The following CNTNAP5 variants were observed in gnomAD, a reference collection of about 807,000 sequenced individuals.
The protein encoded by CNTNAP5 is contactin-associated protein-like 5.
In CNTNAP5, 72 loss-of-function variants were observed where a neutral mutation model predicts 150.2. That is an observed-to-expected ratio of 0.48 (90% CI 0.40 to 0.58). The LOEUF is 0.58. CNTNAP5 is among the 20% of genes least tolerant of loss of function. The pLI, the probability that CNTNAP5 is intolerant of heterozygous loss-of-function variation, is 0.00. For synonymous variants in CNTNAP5, 672 were observed against 619.8 expected (o/e 1.08, Z -1.25); for missense variants, 1,636 against 1,626.2 (o/e 1.01, Z -0.10).
At chr2:124,580,955 G>A (rs562390738) in intron 11 of CNTNAP5, among the ~76,000 whole-genome samples, 3 of 152,344 alleles carry the variant, frequency 2.0e-5, no homozygotes, top group South Asian at 2.1e-4. Context: ...TTTGCATAAT[G>A]TGTGGAGCAC....
intron 19 of CNTNAP5, among the ~76,000 whole-genome samples, chr2:124,847,727 G>A (rs191774359): frequency 1.7e-4 from 26 of 152,232 alleles, no homozygotes; most frequent in African/African-American, 5.5e-4. Flanking sequence ...CCAAGTGGCG[G>A]CTGCAAGCTA....
intron 8 of CNTNAP5, among the ~76,000 whole-genome samples, chr2:124,512,614 T>C (rs1346637122): frequency 2.0e-5 from 3 of 152,288 alleles, no homozygotes; most frequent in South Asian, 2.1e-4. Flanking sequence ...ATTTAATTCC[T>C]AGGAGCAAGC....
chr2:124,300,611 A>G (rs890201114), intron 3 of CNTNAP5, among the ~76,000 whole-genome samples: 9 of 152,200 alleles, frequency 5.9e-5, no homozygotes, highest in Non-Finnish European at 1.3e-4. Flanking sequence ...GCTGGACCAC[A>G]GGCGAGTGGC....
intron 7 of CNTNAP5, among the ~76,000 whole-genome samples, chr2:124,491,155 C>T (rs938715017): frequency 2.6e-5 from 4 of 152,036 alleles, no homozygotes; most frequent in African/African-American, 9.7e-5. Flanking sequence ...AATTAGATCC[C>T]AGGAACTTGT....
At chr2:124,855,266 C>T (rs1386987166) in intron 19 of CNTNAP5, among the ~76,000 whole-genome samples, 1 of 147,878 alleles carries the variant, frequency 6.8e-6, no homozygotes, top group African/African-American at 2.5e-5. Flanking sequence ...CAACCTCCAC[C>T]TCCCAGGTTC....
Position 124,250,622 on chromosome 2 carries a change from C to T in CNTNAP5, c.381+8229C>T, listed in dbSNP as rs184614791. Among the ~76,000 whole-genome samples the T allele has an allele frequency of 2.7e-3, 405 of 151,944 alleles. 2 individuals carry two copies. The highest frequency in any genetic ancestry group is 9.2e-3 in the African/African-American group (383 of 41,452). ...CCAAGCAGGCTCATTAGGGACCATTCGCATAGAGTCCTGGCAGCATACAGG... is the reference window on the plus strand; with the variant it reads ...CCAAGCAGGCTCATTAGGGACCATTTGCATAGAGTCCTGGCAGCATACAGG... On this transcript the variant is annotated intron_variant, in intron 3 of 23. Transcript: ENST00000682447.
intron 4 of CNTNAP5, among the ~76,000 whole-genome samples, chr2:124,428,202 C>G (rs185927466): frequency 1.9e-3 from 290 of 152,268 alleles, no homozygotes; most frequent in Non-Finnish European, 3.2e-3. Flanking sequence ...ACCTCACCAG[C>G]CTGACTGCCT....
chr2:124,567,751 A>G (rs1696056574), intron 11 of CNTNAP5, among the ~76,000 whole-genome samples: 2 of 152,330 alleles, frequency 1.3e-5, no homozygotes, highest in South Asian at 2.1e-4. Context: ...TATTTTGGTC[A>G]TGGTATGTCA....
At chr2:124,168,877 G>T (rs547168244) in intron 1 of CNTNAP5, among the ~76,000 whole-genome samples, 3 of 151,990 alleles carry the variant, frequency 2.0e-5, no homozygotes, top group African/African-American at 7.3e-5. Flanking sequence ...ACCTATCTGC[G>T]TGGAACTTTG....
chr2:124,267,431 G>C (rs555994124), intron 3 of CNTNAP5, among the ~76,000 whole-genome samples: 1 of 152,058 alleles, frequency 6.6e-6, no homozygotes, highest in Non-Finnish European at 1.5e-5. Context: ...CAACAACCCC[G>C]TGAGCTGTTG....
At chr2:124,672,250 A>G (rs539169689) in intron 13 of CNTNAP5, among the ~76,000 whole-genome samples, 1 of 152,096 alleles carries the variant, frequency 6.6e-6, no homozygotes, top group Admixed American at 6.5e-5. Flanking sequence ...ATAAGGGCCC[A>G]CCCATTTGCC....
chr2:124,260,457 G>A (rs954909800), intron 3 of CNTNAP5, among the ~76,000 whole-genome samples: 1 of 152,174 alleles, frequency 6.6e-6, no homozygotes. Context: ...ATAGGAATGG[G>A]CAAGGACTTC....
intron 11 of CNTNAP5, among the ~76,000 whole-genome samples, chr2:124,605,793 C>CAGAG (rs2104979057): frequency 9.5e-6 from 1 of 104,864 alleles, no homozygotes; most frequent in Admixed American, 1.3e-4. Flanking sequence ...GCCTGGGTGA[C>CAGAG]CGAGCAAGAC....
intron 19 of CNTNAP5, among the ~76,000 whole-genome samples, chr2:124,847,489 C>A (rs1047873329): frequency 1.3e-5 from 2 of 152,166 alleles, no homozygotes; most frequent in African/African-American, 2.4e-5. Flanking sequence ...AGCATCGAGT[C>A]TATATCCAGG....
chr2:124,081,657 G>A (rs1682560026), intron 1 of CNTNAP5, among the ~76,000 whole-genome samples: 1 of 152,138 alleles, frequency 6.6e-6, no homozygotes, highest in South Asian at 2.1e-4. Context: ...TAGGGGATGT[G>A]GTAGCAAGTG....
chr2:124,281,806 G>A (rs551170864), intron 3 of CNTNAP5, among the ~76,000 whole-genome samples: 1 of 152,244 alleles, frequency 6.6e-6, no homozygotes, highest in Non-Finnish European at 1.5e-5. Context: ...GCCAGAAAGC[G>A]AGAGGCATCT....
At chr2:124,256,558 C>T (rs1687321138) in intron 3 of CNTNAP5, among the ~76,000 whole-genome samples, 1 of 152,088 alleles carries the variant, frequency 6.6e-6, no homozygotes, top group African/African-American at 2.4e-5. Context: ...TAAGGAAGTT[C>T]CTGCAGCTGG....
At chr2:124,025,794 A>G in intron 1 of CNTNAP5, 62 bp downstream of exon 1, 3 of 1,299,314 alleles carry the variant, frequency 2.3e-6, no homozygotes, top group Non-Finnish European at 2.2e-6. Flanking sequence ...CAGAAAGACA[A>G]TCAACTATCT....
At chr2:124,326,165 T>C (rs532149920) in intron 3 of CNTNAP5, among the ~76,000 whole-genome samples, 3 of 152,188 alleles carry the variant, frequency 2.0e-5, no homozygotes, top group East Asian at 1.9e-4. Context: ...GAGGATGATG[T>C]TTCTTTGTGG....
Sources: gnomAD v4.1 joint callset for allele counts (sites outside exome capture counted in the v4.1 genomes callset) on GRCh38, gnomAD v4.1.1 for gene constraint, MANE v1.5 for transcripts, NCBI Gene and HGNC (gene_info 2026-07-23, HGNC 2026-07-21) for gene names.